DLG2: variants seen among roughly 807,000 people sequenced by gnomAD.
DLG2 encodes the protein discs large MAGUK scaffold protein 2.
Under a neutral mutation model 132.5 loss-of-function variants are expected in DLG2, and 45 were observed. The observed-to-expected ratio is 0.34, with a 90% CI of 0.27 to 0.44. DLG2 has a LOEUF of 0.44. Ranked by LOEUF, DLG2 falls within the 20% of genes least tolerant of loss-of-function variation. DLG2 has a pLI of 1.00. For missense variants in DLG2, 1,045 were observed against 1,196.9 expected (o/e 0.87, Z 1.87); for synonymous variants, 424 against 419.6 (o/e 1.01, Z -0.13).
intron 15 of DLG2, among the ~76,000 whole-genome samples, chr11:83,922,906 A>T (rs554089900): frequency 6.6e-6 from 1 of 152,244 alleles, no homozygotes; most frequent in East Asian, 1.9e-4. Flanking sequence ...TTTTGTCCAC[A>T]CTCCTGAGAA....
chr11:85,472,492 G>A (rs528621921), intron 3 of DLG2, among the ~76,000 whole-genome samples: 1 of 152,078 alleles, frequency 6.6e-6, no homozygotes, highest in African/African-American at 2.4e-5. Context: ...TAGAGACAGG[G>A]TTCCTCCATG....
At chr11:84,899,448 C>A (rs2154069505) in intron 6 of DLG2, among the ~76,000 whole-genome samples, 1 of 152,176 alleles carries the variant, frequency 6.6e-6, no homozygotes, top group Middle Eastern at 3.4e-3. Flanking sequence ...TCACTTGCAT[C>A]TAGCAATTAC....
intron 17 of DLG2, among the ~76,000 whole-genome samples, chr11:83,831,518 G>A (rs1211601165): frequency 1.3e-5 from 2 of 152,194 alleles, no homozygotes; most frequent in South Asian, 2.1e-4. Flanking sequence ...CTGTGTGTGT[G>A]TGTGTGTGTA....
intron 4 of DLG2, among the ~76,000 whole-genome samples, chr11:85,187,663 C>A (rs544258211): frequency 6.6e-6 from 1 of 152,096 alleles, no homozygotes; most frequent in Non-Finnish European, 1.5e-5. Flanking sequence ...GTTGACTGGG[C>A]ATGCTCCCAT....
intron 21 of DLG2, among the ~76,000 whole-genome samples, chr11:83,530,338 G>T (rs2095708293): frequency 6.6e-6 from 1 of 151,726 alleles, no homozygotes; most frequent in African/African-American, 2.4e-5. Flanking sequence ...CAATGACTGG[G>T]CTCCCTTATG....
chr11:85,441,354 C>G (rs753887961), intron 3 of DLG2, among the ~76,000 whole-genome samples: 3 of 152,096 alleles, frequency 2.0e-5, no homozygotes, highest in Non-Finnish European at 2.9e-5. Flanking sequence ...TAACTCCTCC[C>G]TCTTCATAAC....
At chr11:83,777,511 G>T (rs2094629968) in intron 18 of DLG2, among the ~76,000 whole-genome samples, 1 of 151,940 alleles carries the variant, frequency 6.6e-6, no homozygotes, top group African/African-American at 2.4e-5. Flanking sequence ...CTTTCCTTCA[G>T]CCTCAAAAAA....
At chr11:85,232,799 A>G (rs1177928848) in intron 4 of DLG2, among the ~76,000 whole-genome samples, 1 of 152,008 alleles carries the variant, frequency 6.6e-6, no homozygotes, top group Admixed American at 6.6e-5. Context: ...ATTTTTCCAT[A>G]ATAGGAATAT....
At chr11:84,591,039 G>C (rs1238996815) in intron 6 of DLG2, among the ~76,000 whole-genome samples, 1 of 152,028 alleles carries the variant, frequency 6.6e-6, no homozygotes, top group East Asian at 1.9e-4. Flanking sequence ...CCACACAAAA[G>C]TTTCTAGTAT....
At chr11:85,604,271 G>T (rs1260584513) in intron 2 of DLG2, among the ~76,000 whole-genome samples, 1 of 152,168 alleles carries the variant, frequency 6.6e-6, no homozygotes, top group Non-Finnish European at 1.5e-5. Context: ...AATTGTGGCT[G>T]CCCTTTTATG....
chr11:83,928,265 A>T (rs1565675642), intron 15 of DLG2, among the ~76,000 whole-genome samples: 2 of 152,084 alleles, frequency 1.3e-5, no homozygotes, highest in African/African-American at 2.4e-5. Flanking sequence ...TTTGAAAAAA[A>T]AATTCAACAT....
chr11:84,606,430 G>C (rs575135939), intron 6 of DLG2, among the ~76,000 whole-genome samples: 1 of 152,038 alleles, frequency 6.6e-6, no homozygotes, highest in African/African-American at 2.4e-5. Context: ...TCTTTGTATG[G>C]TGGACCTCTT....
intron 10 of DLG2, among the ~76,000 whole-genome samples, chr11:84,076,918 C>T (rs551914090): frequency 6.6e-6 from 1 of 152,316 alleles, no homozygotes; most frequent in African/African-American, 2.4e-5. Context: ...CTATACTTTA[C>T]TGCATGCAAA....
At chr11:85,431,433 G>A (rs1262157095) in intron 3 of DLG2, among the ~76,000 whole-genome samples, 1 of 152,234 alleles carries the variant, frequency 6.6e-6, no homozygotes. Flanking sequence ...CCACTCGTGA[G>A]CACAGACTAC....
chr11:84,278,709 T>C (rs1476314450), intron 7 of DLG2, among the ~76,000 whole-genome samples: 1 of 152,168 alleles, frequency 6.6e-6, no homozygotes, highest in Non-Finnish European at 1.5e-5. Context: ...TTATTAAGTT[T>C]TCTTTTCCTG....
chr11:84,796,733 A>G (rs943784086), intron 6 of DLG2, among the ~76,000 whole-genome samples: 4 of 152,060 alleles, frequency 2.6e-5, no homozygotes, highest in Admixed American at 2.6e-4. Context: ...CTCCCGGCCT[A>G]TAAGGTTCCC....
intron 6 of DLG2, among the ~76,000 whole-genome samples, chr11:84,706,122 T>C (rs1427314668): frequency 6.6e-6 from 1 of 151,844 alleles, no homozygotes; most frequent in African/African-American, 2.4e-5. Context: ...ACTATTAATA[T>C]TTCCTTGATG....
chr11:84,768,757 C>T (rs547016277), intron 6 of DLG2, among the ~76,000 whole-genome samples: 1 of 152,066 alleles, frequency 6.6e-6, no homozygotes, highest in South Asian at 2.1e-4. Flanking sequence ...GTGGATTCTA[C>T]TCCCTCTCAC....
At chr11:84,934,795 G>T (rs939845633) in intron 6 of DLG2, among the ~76,000 whole-genome samples, 1 of 151,672 alleles carries the variant, frequency 6.6e-6, no homozygotes, top group Non-Finnish European at 1.5e-5. Flanking sequence ...CTCAGACTTT[G>T]TTTCTCTTGT....
Sources: gnomAD v4.1 joint callset for allele counts (sites outside exome capture counted in the v4.1 genomes callset) on GRCh38, gnomAD v4.1.1 for gene constraint, MANE v1.5 for transcripts, NCBI Gene and HGNC (gene_info 2026-07-23, HGNC 2026-07-21) for gene names.